The following NXPE4 variants were observed in gnomAD, a reference collection of about 807,000 sequenced individuals.
NXPE4 encodes the protein neurexophilin and PC-esterase domain family member 4.
A neutral mutation model predicts 33.3 loss-of-function variants in NXPE4; 42 were observed. The ratio of observed to expected loss-of-function variants is 1.26; its 90% confidence interval spans 0.98 to 1.63. The LOEUF (loss-of-function observed/expected upper bound fraction) is 1.63. NXPE4 is among the 40% of genes most tolerant of loss of function. NXPE4 has a pLI of 0.00. For synonymous variants in NXPE4, 253 were observed against 234.9 expected (o/e 1.08, Z -0.71); for missense variants, 709 against 647.6 (o/e 1.09, Z -1.03).
At chr11:114,621,661 C>T in the NXPE4 span, among the ~76,000 whole-genome samples, 1 of 152,150 alleles carries the variant, frequency 6.6e-6, no homozygotes, top group Non-Finnish European at 1.5e-5. Flanking sequence ...CCACTGTTAC[C>T]CTGTGGATAA....
the NXPE4 span, among the ~76,000 whole-genome samples, chr11:114,612,600 G>A: frequency 4.0e-5 from 6 of 151,682 alleles, no homozygotes; most frequent in East Asian, 5.9e-4. Context: ...ATTGCCTCAC[G>A]GGTAACCAGA....
chr11:114,631,064 A>C, the NXPE4 span, among the ~76,000 whole-genome samples: 2 of 151,780 alleles, frequency 1.3e-5, no homozygotes, highest in Non-Finnish European at 2.9e-5. Context: ...GAACACTTTT[A>C]CACTGTTGGT....
chr11:114,639,788 ATATAT>A, the NXPE4 span, among the ~76,000 whole-genome samples: 1 of 126,174 alleles, frequency 7.9e-6, no homozygotes, highest in East Asian at 2.2e-4. Context: ...AAAATATAAT[ATATAT>A]TATATTAAAT....
intron 2 of NXPE4, among the ~76,000 whole-genome samples, chr11:114,588,755 C>G (rs2135269595): frequency 6.6e-6 from 1 of 152,284 alleles, no homozygotes; most frequent in Middle Eastern, 3.4e-3. Flanking sequence ...GACCAAAATC[C>G]AGGTAAGAAT....
intron 5 of NXPE4, among the ~76,000 whole-genome samples, chr11:114,574,226 A>G (rs1948950451): frequency 6.6e-6 from 1 of 152,106 alleles, no homozygotes; most frequent in Non-Finnish European, 1.5e-5. Flanking sequence ...TTAAGAGGAA[A>G]GTTCATAGAC....
the NXPE4 span, among the ~76,000 whole-genome samples, chr11:114,633,041 A>G: frequency 3.5e-5 from 4 of 113,172 alleles, no homozygotes; most frequent in Admixed American, 3.6e-4. Flanking sequence ...ATTTTATTAT[A>G]TAATTGCATT....
the NXPE4 span, among the ~76,000 whole-genome samples, chr11:114,604,800 G>A: frequency 2.0e-5 from 3 of 151,908 alleles, no homozygotes; most frequent in Non-Finnish European, 2.9e-5. Flanking sequence ...GTTGCCTCGC[G>A]GGTAACCACT....
the NXPE4 span, among the ~76,000 whole-genome samples, chr11:114,609,315 G>T: frequency 4.6e-5 from 7 of 151,710 alleles, no homozygotes; most frequent in Non-Finnish European, 1.0e-4. Context: ...TTGCCTCGTG[G>T]GTAACCACGG....
chr11:114,628,041 A>G, the NXPE4 span, among the ~76,000 whole-genome samples: 175 of 151,236 alleles, frequency 1.2e-3, 1 homozygote, highest in East Asian at 0.032. Flanking sequence ...TGACCTACAA[A>G]GAGACTTAGA....
chr11:114,673,194 T>C, the NXPE4 span, among the ~76,000 whole-genome samples: 1 of 150,938 alleles, frequency 6.6e-6, no homozygotes, highest in Non-Finnish European at 1.5e-5. Flanking sequence ...AATTCACAAA[T>C]ATATAAAATT....
Position 114,588,480 on chromosome 11 carries a change from AG to A in NXPE4, c.97-5460del, listed in dbSNP as rs1949362625. Reference sequence around the variant, plus strand: ...CCCTAACTGCAGCTGAAAAACAGGCAGCTCTGCAGGCAGGGGAGAAATTCAA... The same window carrying A: ...CCCTAACTGCAGCTGAAAAACAGGCACTCTGCAGGCAGGGGAGAAATTCAA... On this transcript the variant is annotated intron_variant, in intron 2 of 5. Coordinates refer to ENST00000375478, the MANE Select transcript of NXPE4 (RefSeq NM_001077639.2). Among the ~76,000 whole-genome samples the A allele has an allele frequency of 2.0e-5, 3 of 152,330 alleles. No individual in the cohort carries two copies. In the South Asian group the frequency reaches 6.2e-4, roughly 32 times the overall value.
chr11:114,639,233 C>T, the NXPE4 span, among the ~76,000 whole-genome samples: 15 of 151,958 alleles, frequency 9.9e-5, 1 homozygote, highest in East Asian at 1.9e-3. Context: ...GCTGTGCGAG[C>T]AATCAGCGAG....
chr11:114,582,140 G>C (rs769420959), intron 3 of NXPE4, 148 bp downstream of exon 3: 3 of 804,202 alleles, frequency 3.7e-6, no homozygotes, highest in African/African-American at 1.7e-5. Context: ...AATGGGCACT[G>C]TCTCTAAATG....
At chr11:114,613,451 C>G in the NXPE4 span, among the ~76,000 whole-genome samples, 1 of 151,920 alleles carries the variant, frequency 6.6e-6, no homozygotes, top group African/African-American at 2.4e-5. Context: ...TGTGTAACCA[C>G]TGTTACCTGC....
chr11:114,627,737 G>A, the NXPE4 span, among the ~76,000 whole-genome samples: 1 of 152,160 alleles, frequency 6.6e-6, no homozygotes, highest in East Asian at 1.9e-4. Context: ...ATTGGTTAAA[G>A]AGTCAAGACC....
the NXPE4 span, among the ~76,000 whole-genome samples, chr11:114,674,748 TC>T: frequency 6.6e-6 from 1 of 151,828 alleles, no homozygotes; most frequent in Non-Finnish European, 1.5e-5. Flanking sequence ...TGCCAACTCT[TC>T]CCAAACTCTT....
the NXPE4 span, among the ~76,000 whole-genome samples, chr11:114,631,512 G>T: frequency 7.7e-6 from 1 of 129,378 alleles, no homozygotes; most frequent in South Asian, 2.9e-4. Context: ...ATAACACTCT[G>T]GGGACTGTTG....
the NXPE4 span, among the ~76,000 whole-genome samples, chr11:114,639,839 A>T: frequency 1.8e-5 from 2 of 111,670 alleles, no homozygotes; most frequent in African/African-American, 7.5e-5. Flanking sequence ...TATTATATTA[A>T]ATATAAAATA....
At chr11:114,613,226 G>A in the NXPE4 span, among the ~76,000 whole-genome samples, 16 of 151,092 alleles carry the variant, frequency 1.1e-4, no homozygotes, top group Admixed American at 9.2e-4. Context: ...TTGTTGCCTC[G>A]AGGGTAACCA....
Sources: gnomAD v4.1 joint callset for allele counts (sites outside exome capture counted in the v4.1 genomes callset) on GRCh38, gnomAD v4.1.1 for gene constraint, MANE v1.5 for transcripts, NCBI Gene and HGNC (gene_info 2026-07-23, HGNC 2026-07-21) for gene names.